Variants in MYO9B observed in about 807,000 individuals in gnomAD.
MYO9B encodes the protein myosin IXB, also known as unconventional myosin-IXb.
A neutral mutation model predicts 229.5 loss-of-function variants in MYO9B; 71 were observed. The ratio of observed to expected loss-of-function variants is 0.31; its 90% CI spans 0.26 to 0.38. MYO9B has a LOEUF of 0.38. Among genes scored for constraint, MYO9B ranks in the 10% least tolerant of loss-of-function variants. The pLI is 1.00. For synonymous variants in MYO9B, 1,185 were observed against 1,235.8 expected (o/e 0.96, Z 0.86); for missense variants, 2,255 against 2,920.5 (o/e 0.77, Z 5.25).
chr19:17,183,936 C>A, intron 16 of MYO9B, 68 bp downstream of exon 16: 1 of 1,437,562 alleles, frequency 7.0e-7, no homozygotes, highest in Non-Finnish European at 9.3e-7. Flanking sequence ...GTCTTGAGAG[C>A]TTTCACTTCT....
intron 1 of MYO9B, among the ~76,000 whole-genome samples, chr19:17,078,258 A>C (rs570917277): frequency 6.6e-6 from 1 of 152,294 alleles, no homozygotes; most frequent in African/African-American, 2.4e-5. Context: ...GAAAGAATGG[A>C]GTTCAAGCTG....
In MYO9B at chr19:17,194,851, C is replaced by T; in HGVS notation, c.3424C>T (p.Pro1142Ser). The change falls in exon 22 of 40, where the codon CCC (proline) becomes TCC (serine). Residue 1142 changes from proline (P) to serine (S), a missense_variant. Pro to Ser is a moderately conservative substitution (Grantham distance 74). Transcript: ENST00000682292. ...GGCGGCTGAAAGTCACGAGAAAGTCCCCAGCAGCCGGGAGAAGCGTGAGTC... is the reference window on the plus strand; with the variant it reads ...GGCGGCTGAAAGTCACGAGAAAGTCTCCAGCAGCCGGGAGAAGCGTGAGTC... ...TVAAESHEKVPSSREKRESRR... is the reference protein window; with the variant it reads ...TVAAESHEKVSSSREKRESRR... The T allele has an allele frequency of 6.2e-7, 1 of 1,613,298 alleles. No individual in the cohort carries two copies.
chr19:17,105,683 C>T (rs78236585), intron 2 of MYO9B, among the ~76,000 whole-genome samples: 1,800 of 152,230 alleles, frequency 0.012, 46 homozygotes, highest in African/African-American at 0.04. Context: ...CTTGACCTCT[C>T]GCCTCTTGTT....
At chr19:17,130,258 G>A (rs1008336699) in intron 2 of MYO9B, among the ~76,000 whole-genome samples, 1 of 151,226 alleles carries the variant, frequency 6.6e-6, no homozygotes, top group Non-Finnish European at 1.5e-5. Flanking sequence ...ATCACTTGAG[G>A]ACTGGAGTTC....
intron 11 of MYO9B, among the ~76,000 whole-genome samples, chr19:17,169,675 C>G (rs886431592): frequency 6.6e-6 from 1 of 152,126 alleles, no homozygotes; most frequent in African/African-American, 2.4e-5. Context: ...CTTGCCTCCT[C>G]CAGCTTCTAG....
intron 39 of MYO9B, 49 bp from the exon 40 acceptor site, chr19:17,211,846 G>T: frequency 6.2e-7 from 1 of 1,604,974 alleles, no homozygotes; most frequent in African/African-American, 1.3e-5. Flanking sequence ...AGGGTCCTCC[G>T]GCTGCCGGCC....
At chr19:17,168,906 G>T (rs936617883) in intron 11 of MYO9B, among the ~76,000 whole-genome samples, 3 of 152,192 alleles carry the variant, frequency 2.0e-5, no homozygotes, top group Non-Finnish European at 4.4e-5. Context: ...TCCACAGGGC[G>T]CTGTGAAGGC....
At chr19:17,086,303 C>T (rs1361427052) in intron 1 of MYO9B, among the ~76,000 whole-genome samples, 1 of 152,186 alleles carries the variant, frequency 6.6e-6, no homozygotes, top group African/African-American at 2.4e-5. Context: ...TGTTCTCAGA[C>T]CCACTCTGGC....
chr19:17,093,474 G>A (rs1300783763), intron 1 of MYO9B, among the ~76,000 whole-genome samples: 5 of 152,106 alleles, frequency 3.3e-5, no homozygotes, highest in South Asian at 2.1e-4. Flanking sequence ...CTCTCGTGGC[G>A]TCCTGGGACG....
chr19:17,110,188 C>T (rs549716433), intron 2 of MYO9B, among the ~76,000 whole-genome samples: 1 of 152,204 alleles, frequency 6.6e-6, no homozygotes, highest in Non-Finnish European at 1.5e-5. Context: ...ACCCCCGCCC[C>T]CCGCGAGGGT....
In MYO9B at chr19:17,212,584, T is replaced by C; in HGVS notation, c.*274T>C. 1 of 433,370 alleles carries C rather than the reference T, an allele frequency of 2.3e-6. No homozygotes were observed. Among genetic ancestry groups the C allele is most frequent in the East Asian group, 3.6e-5 (1 of 27,728 alleles). The allele number at this position is 433,370 out of a possible 1,614,324, so 26.8% of individuals were successfully genotyped here. On this transcript the variant is annotated 3_prime_UTR_variant, in exon 40 of 40. Coordinates refer to ENST00000682292, the MANE Select transcript of MYO9B (RefSeq NM_004145.4). This position sits in a 1 kb window ranked among gnomAD's most constrained non-coding sequence, Gnocchi z 5.4. ...GCCTCACATCTCCCCACTCCCCTTT[T>C]TGTACGTTTAACTGTTTCTTTGTAC... is the stretch of plus-strand genomic sequence containing the variant.
At chr19:17,106,146 C>A (rs1289295406) in intron 2 of MYO9B, among the ~76,000 whole-genome samples, 2 of 152,054 alleles carry the variant, frequency 1.3e-5, no homozygotes, top group African/African-American at 4.8e-5. Flanking sequence ...CAGGTGTGCA[C>A]CACCATGCCC....
At chr19:17,174,945 TA>T (rs1286196939) in intron 13 of MYO9B, among the ~76,000 whole-genome samples, 4 of 134,860 alleles carry the variant, frequency 3.0e-5, no homozygotes, top group East Asian at 2.0e-4. Context: ...AAAAAATAAA[TA>T]AATAAATAAT....
chr19:17,152,618 T>C (rs1360482296), intron 3 of MYO9B, 26 bp from the exon 4 acceptor site: 1 of 1,595,104 alleles, frequency 6.3e-7, no homozygotes, highest in East Asian at 2.2e-5. Context: ...AATGTTTTAT[T>C]CTTTCTGTTT....
chr19:17,202,821 T>A (rs2145496655), intron 28 of MYO9B, 21 bp from the exon 29 acceptor site: 2 of 1,580,812 alleles, frequency 1.3e-6, no homozygotes, highest in Non-Finnish European at 1.7e-6. Context: ...CCCGCCAACC[T>A]CCTCCTTGTG....
In MYO9B at chr19:17,102,099, C is replaced by A. The variant is rs2057750522; in HGVS notation, c.382C>A (p.Gln128Lys). 6.2e-7 allele frequency: 1 copy of A among 1,613,160 alleles called. No individual in the cohort carries two copies. The highest frequency in any genetic ancestry group is 1.3e-5 in the African/African-American group (1 of 75,066). ...IKYVHMQLVA[Q>K]ATATRRLVER... ...GTACGTGCATATGCAGCTGGTGGCG[C>A]AGGCCACAGCCACCCGGCGCCTAGT... Residue 128 changes from glutamine to lysine, a missense_variant, in exon 2 of 40, where the codon CAG (glutamine) becomes AAG (lysine). Physicochemically the swap from Gln to Lys is moderately conservative, Grantham distance 53. Coordinates refer to ENST00000682292, the MANE Select transcript of MYO9B (RefSeq NM_004145.4).
chr19:17,175,627 C>G (rs1440928700), intron 13 of MYO9B, 36 bp from the exon 14 acceptor site: 1 of 1,494,620 alleles, frequency 6.7e-7, no homozygotes, highest in African/African-American at 1.4e-5. Flanking sequence ...CCATAGGAGG[C>G]CATCCCCACC....
chr19:17,183,717 C>A, intron 15 of MYO9B, 112 bp from the exon 16 acceptor site: 1 of 867,000 alleles, frequency 1.2e-6, no homozygotes. Flanking sequence ...CTCACTCTCT[C>A]CCCTCTCTCT....
chr19:17,206,443 A>G (rs2279002), intron 33 of MYO9B, 67 bp downstream of exon 33: 555,611 of 1,565,702 alleles, frequency 0.35, 106,512 homozygotes, highest in East Asian at 0.76. Context: ...CGCTGTGACC[A>G]GCCCAGGAGG....
Sources: allele counts gnomAD v4.1 joint callset (sites outside exome capture counted in the v4.1 genomes callset), GRCh38; gene constraint gnomAD v4.1.1; non-coding constraint Gnocchi (gnomAD v3.1); transcripts MANE v1.5; gene names NCBI Gene and HGNC (gene_info 2026-07-23, HGNC 2026-07-21).